Variants in STIM2 observed in about 807,000 individuals in gnomAD.
STIM2 encodes stromal interaction molecule 2.
In STIM2, 31 loss-of-function variants were observed where a neutral mutation model predicts 85.8. That is an observed-to-expected ratio of 0.36 (90% CI 0.27 to 0.49). The LOEUF (loss-of-function observed/expected upper bound fraction) is 0.49. STIM2 is among the 20% of genes least tolerant of loss of function. STIM2 has a pLI of 0.98. For synonymous variants in STIM2, 356 were observed against 331.1 expected, an observed-to-expected ratio of 1.08 and a Z score of -0.82; for missense variants, 841 against 927.6, an observed-to-expected ratio of 0.91 and a Z score of 1.21.
intron 11 of STIM2, chr4:27,021,541 A>G (rs769532328): frequency 2.2e-6 from 1 of 456,768 alleles, no homozygotes; most frequent in South Asian, 1.5e-5. Flanking sequence ...CCACATGTAC[A>G]CGGCCTGGTA....
At chr4:26,866,599 A>G (rs1480506492) in intron 1 of STIM2, among the ~76,000 whole-genome samples, 3 of 152,170 alleles carry the variant, frequency 2.0e-5, no homozygotes, top group East Asian at 1.9e-4. Context: ...AGTATAAGGT[A>G]TATGTAGAGT....
At chr4:27,008,140 G>A (rs927070432) in intron 8 of STIM2, 25 of 594,712 alleles carry the variant, frequency 4.2e-5, no homozygotes, top group Non-Finnish European at 7.2e-5. Flanking sequence ...TATAGCTAAT[G>A]TTCTTCTGTT....
chr4:26,971,874 A>G (rs1726969065), intron 3 of STIM2, among the ~76,000 whole-genome samples: 1 of 152,242 alleles, frequency 6.6e-6, no homozygotes, highest in Non-Finnish European at 1.5e-5. Flanking sequence ...ATCCATGAGC[A>G]TGGAATATTC....
chr4:26,869,643 C>T (rs1391388063), intron 1 of STIM2, among the ~76,000 whole-genome samples: 1 of 152,022 alleles, frequency 6.6e-6, no homozygotes, highest in South Asian at 2.1e-4. Context: ...ATCTTCCCGC[C>T]TTAGCCTCCC....
In STIM2 at chr4:27,008,832, T is replaced by C. The variant is rs1350652603; in HGVS notation, c.1319T>C (p.Ile440Thr). Residue 440 changes from isoleucine to threonine, a missense_variant, in exon 10 of 12, where the codon ATC becomes ACC. Around this residue, in one of 3 missense-constraint regions of STIM2, gnomAD observed 408 missense variants for 525.4 expected, o/e 0.78. Transcript: ENST00000467087. ...TTTCGCTGGCAACAAATTGAGAAGA[T>C]CTGTGGCTTTCAGATAGCCCATAAC... The C allele has an allele frequency of 1.2e-6, 2 of 1,614,054 alleles. No individual in the cohort carries two copies. Among genetic ancestry groups the C allele is most frequent in the East Asian group, 4.5e-5 (2 of 44,894 alleles).
chr4:26,993,564 A>G (rs900222860), intron 3 of STIM2, among the ~76,000 whole-genome samples: 2 of 152,128 alleles, frequency 1.3e-5, no homozygotes, highest in African/African-American at 2.4e-5. Flanking sequence ...TTATTTATAT[A>G]CAGATGGATT....
rs572454781 is a variant in STIM2, at chr4:26,949,211, A to T, written c.283-8401A>T. ...GGTTTTATTAATATTATCCATATTT[A>T]TAGCCAGAGTTATTCTCTGAATGCT... On this transcript the variant is annotated intron_variant, in intron 2 of 11. Transcript: ENST00000467087. Among the ~76,000 whole-genome samples the T allele has an allele frequency of 4.6e-5, 7 of 152,260 alleles. No homozygotes were observed. The South Asian group carries it at 1.4e-3, about 32-fold the overall frequency.
chr4:26,933,141 G>A (rs1180113008), intron 2 of STIM2, among the ~76,000 whole-genome samples: 1 of 150,504 alleles, frequency 6.6e-6, no homozygotes, highest in Non-Finnish European at 1.5e-5. Context: ...CAGAGGGCAC[G>A]CAAGTCATAG....
intron 11 of STIM2, among the ~76,000 whole-genome samples, chr4:27,022,109 G>A (rs1240961905): frequency 6.6e-6 from 1 of 152,106 alleles, no homozygotes; most frequent in Admixed American, 6.5e-5. Flanking sequence ...TCAAGTTAAT[G>A]ACAAAGGGAG....
intron 1 of STIM2, among the ~76,000 whole-genome samples, chr4:26,912,300 A>G (rs960296892): frequency 2.6e-5 from 4 of 152,278 alleles, no homozygotes; most frequent in African/African-American, 9.6e-5. Flanking sequence ...TTAGTTTGTG[A>G]TTGAGTCACC....
intron 2 of STIM2, among the ~76,000 whole-genome samples, chr4:26,946,024 A>G (rs1725822905): frequency 6.6e-6 from 1 of 152,220 alleles, no homozygotes; most frequent in South Asian, 2.1e-4. Context: ...TTGGACATGC[A>G]AAAATCATTA....
At chr4:26,872,911 T>C (rs1722678012) in intron 1 of STIM2, among the ~76,000 whole-genome samples, 1 of 152,198 alleles carries the variant, frequency 6.6e-6, no homozygotes, top group Admixed American at 6.5e-5. Flanking sequence ...GTCTGAAGAA[T>C]TGGGGAATAG....
chr4:26,956,290 A>T (rs1726234723), intron 2 of STIM2, among the ~76,000 whole-genome samples: 1 of 152,224 alleles, frequency 6.6e-6, no homozygotes, highest in Non-Finnish European at 1.5e-5. Context: ...TGAGCAAAGT[A>T]TCAAGAGATA....
chr4:26,908,207 T>G (rs2109057386), intron 1 of STIM2, among the ~76,000 whole-genome samples: 1 of 152,364 alleles, frequency 6.6e-6, no homozygotes, highest in Non-Finnish European at 1.5e-5. Context: ...TTAGAGTTCC[T>G]GTTTTGGAAT....
intron 2 of STIM2, among the ~76,000 whole-genome samples, chr4:26,940,120 A>G (rs1310373951): frequency 6.6e-6 from 1 of 152,194 alleles, no homozygotes; most frequent in Non-Finnish European, 1.5e-5. Context: ...GAAGTACTAA[A>G]GCAAGCCCCT....
Position 26,879,965 on chromosome 4 carries a change from C to T in STIM2, c.151+18596C>T, listed in dbSNP as rs140084952. On this transcript the variant is annotated intron_variant, in intron 1 of 11. Transcript: ENST00000467087. ...CTACCATTCCCTCTTACTGGGATTC[C>T]TGCAGTACCTTCCTAACTTCTTGTT... Among the ~76,000 whole-genome samples the T allele has an allele frequency of 3.0e-3, 454 of 152,290 alleles. 1 individual carries two copies. The highest frequency in any genetic ancestry group is 5.0e-3 in the Non-Finnish European group (338 of 68,022).
At chr4:26,977,279 G>T (rs1049785131) in intron 3 of STIM2, among the ~76,000 whole-genome samples, 1 of 152,182 alleles carries the variant, frequency 6.6e-6, no homozygotes, top group African/African-American at 2.4e-5. Context: ...AGAGTGGTGG[G>T]AGACAAATTG....
At chr4:26,982,180 A>G (rs371334648) in intron 3 of STIM2, among the ~76,000 whole-genome samples, 5 of 152,176 alleles carry the variant, frequency 3.3e-5, no homozygotes, top group African/African-American at 1.2e-4. Flanking sequence ...GTGTATATCA[A>G]CATCTTGTCC....
intron 1 of STIM2, among the ~76,000 whole-genome samples, chr4:26,889,960 A>G (rs1402064387): frequency 1.3e-5 from 2 of 152,160 alleles, no homozygotes; most frequent in Admixed American, 6.5e-5. Context: ...TGTCCTTCCA[A>G]TTCTGTGACC....
Sources: allele counts gnomAD v4.1 joint callset (sites outside exome capture counted in the v4.1 genomes callset), GRCh38; gene constraint gnomAD v4.1.1; regional missense constraint gnomAD v4.1.1; transcripts MANE v1.5; gene names NCBI Gene and HGNC (gene_info 2026-07-23, HGNC 2026-07-21).